The following SRGAP1 variants were observed in gnomAD, a reference collection of about 807,000 sequenced individuals.
The protein encoded by SRGAP1 is SLIT-ROBO Rho GTPase activating protein 1.
In SRGAP1, 43 loss-of-function variants were observed where a neutral mutation model predicts 121.9. That is an observed-to-expected ratio of 0.35 (90% confidence interval 0.28 to 0.46). The LOEUF is 0.46. Ranked by LOEUF, SRGAP1 falls within the 20% of genes least tolerant of loss-of-function variation. The pLI, the probability that SRGAP1 is intolerant of heterozygous loss-of-function variation, is 1.00. For synonymous variants in SRGAP1, 447 were observed against 485.4 expected (o/e 0.92, Z 1.04); for missense variants, 1,102 against 1,350.9 (o/e 0.82, Z 2.89).
At chr12:63,861,192 T>C (rs1592891093) in intron 1 of SRGAP1, among the ~76,000 whole-genome samples, 1 of 143,352 alleles carries the variant, frequency 7.0e-6, no homozygotes, top group Non-Finnish European at 1.5e-5. Flanking sequence ...TTTTTTTTTT[T>C]AATAGAGACA....
Position 63,844,731 on chromosome 12 carries a change from A to C in SRGAP1, c.-86A>C. 1.5e-6 allele frequency: 2 copies of C among 1,316,640 alleles called. No individual in the cohort carries two copies. The highest frequency in any genetic ancestry group is 2.2e-6 in the Non-Finnish European group (2 of 908,556). The allele number at this position is 1,316,640 out of a possible 1,614,324, so 81.6% of individuals were successfully genotyped here. On this transcript the variant is annotated 5_prime_UTR_variant, in exon 1 of 22. Transcript: ENST00000355086. This position sits in a 1 kb window ranked among gnomAD's most constrained non-coding sequence, Gnocchi z 4.3. ...TGCCTCTGGATTGCCTGCGTGTGGG[A>C]GTACAACTCTGCCTCTCCAAGGAGA...
chr12:63,940,846 C>A (rs1427435748), intron 1 of SRGAP1, among the ~76,000 whole-genome samples: 1 of 152,212 alleles, frequency 6.6e-6, no homozygotes, highest in Non-Finnish European at 1.5e-5. Context: ...GTGGCATCTC[C>A]TATGAATTAT....
At chr12:63,905,718 C>G (rs1390771171) in intron 1 of SRGAP1, among the ~76,000 whole-genome samples, 2 of 152,186 alleles carry the variant, frequency 1.3e-5, no homozygotes, top group Non-Finnish European at 2.9e-5. Flanking sequence ...CCACAGTAGC[C>G]TGGGGCCATT....
intron 1 of SRGAP1, among the ~76,000 whole-genome samples, chr12:63,932,401 T>C (rs762468137): frequency 4.6e-5 from 7 of 152,200 alleles, no homozygotes; most frequent in Admixed American, 2.0e-4. Flanking sequence ...AAACTTACTT[T>C]AGATTTGCAA....
intron 1 of SRGAP1, among the ~76,000 whole-genome samples, chr12:63,919,098 G>C (rs2030922285): frequency 6.6e-6 from 1 of 152,120 alleles, no homozygotes; most frequent in South Asian, 2.1e-4. Flanking sequence ...TGTGGTGCAG[G>C]CTGGAGTGCA....
chr12:64,032,353 G>T, intron 4 of SRGAP1: 1 of 371,122 alleles, frequency 2.7e-6, no homozygotes. Flanking sequence ...ACCTGGCTGT[G>T]TCAATGGTAG....
chr12:63,968,723 A>T (rs899845378), intron 1 of SRGAP1, among the ~76,000 whole-genome samples: 3 of 152,224 alleles, frequency 2.0e-5, no homozygotes, highest in Admixed American at 6.5e-5. Context: ...AATCCTGGCC[A>T]GTCAACTCTG....
rs541767212 is a variant in SRGAP1 at position 63,982,210 on chromosome 12, CAAAACAAAAACA to C, written c.68-1720_68-1709del. 5.0e-5 allele frequency among the ~76,000 whole-genome samples: 7 copies of C among 139,708 alleles called. No homozygotes were observed. The South Asian group carries it at 6.8e-4, about 14-fold the overall frequency. 91.7% of individuals were successfully genotyped at this position (139,708 alleles called of 152,430 possible). On this transcript the variant is annotated intron_variant, in intron 1 of 21. Transcript: ENST00000355086. ...TGGGAGACAGAGCAAGACTCCGTCT[CAAAACAAAAACA>C]AAAACAAAAACAAAAAAAAGAAAGA...
intron 18 of SRGAP1, 64 bp downstream of exon 18, chr12:64,115,957 G>T: frequency 1.4e-6 from 2 of 1,452,124 alleles, no homozygotes; most frequent in Middle Eastern, 3.5e-4. Flanking sequence ...ACAATTGCTT[G>T]TATTAACATT....
intron 4 of SRGAP1, among the ~76,000 whole-genome samples, chr12:64,025,152 TAAA>T (rs11286618): frequency 3.7e-5 from 5 of 135,148 alleles, no homozygotes; most frequent in Non-Finnish European, 4.9e-5. Flanking sequence ...AACGTTTAAA[TAAA>T]AAAAAAAAAA....
chr12:64,082,199 T>C (rs905453994), intron 10 of SRGAP1, among the ~76,000 whole-genome samples: 1 of 151,994 alleles, frequency 6.6e-6, no homozygotes, highest in African/African-American at 2.4e-5. Flanking sequence ...GGGAATTCAT[T>C]CTTGGCACTG....
At chr12:64,005,039 T>C (rs971812769) in intron 3 of SRGAP1, among the ~76,000 whole-genome samples, 3 of 152,180 alleles carry the variant, frequency 2.0e-5, no homozygotes, top group African/African-American at 4.8e-5. Context: ...GCAGAAGAGA[T>C]ACCGAATATG....
intron 4 of SRGAP1, 67 bp from the exon 5 acceptor site, chr12:64,042,723 A>G: frequency 7.8e-7 from 1 of 1,287,588 alleles, no homozygotes; most frequent in Non-Finnish European, 1.1e-6. Context: ...CGTCGTATAA[A>G]TGGTTCCCAT....
intron 4 of SRGAP1, among the ~76,000 whole-genome samples, chr12:64,033,934 T>G (rs1174503963): frequency 6.6e-6 from 1 of 152,004 alleles, no homozygotes; most frequent in Non-Finnish European, 1.5e-5. Flanking sequence ...GCAGGAGAAT[T>G]GCTTGAACCC....
chr12:63,914,498 G>A (rs1177743105), intron 1 of SRGAP1, among the ~76,000 whole-genome samples: 2 of 152,146 alleles, frequency 1.3e-5, no homozygotes, highest in East Asian at 1.9e-4. Flanking sequence ...ATATTGTCAA[G>A]AATTATCTTT....
At chr12:64,047,795 C>A (rs562619190) in intron 6 of SRGAP1, among the ~76,000 whole-genome samples, 2 of 152,090 alleles carry the variant, frequency 1.3e-5, no homozygotes, top group African/African-American at 4.8e-5. Context: ...TTGTAAAAAA[C>A]CAGAAAATAC....
At chr12:64,025,057 A>G (rs2034623343) in intron 4 of SRGAP1, among the ~76,000 whole-genome samples, 1 of 152,076 alleles carries the variant, frequency 6.6e-6, no homozygotes, top group Non-Finnish European at 1.5e-5. Context: ...AGTAACTTTC[A>G]CAGGAGCGGT....
At chr12:63,869,655 G>A (rs1431509157) in intron 1 of SRGAP1, among the ~76,000 whole-genome samples, 2 of 152,222 alleles carry the variant, frequency 1.3e-5, no homozygotes, top group South Asian at 4.1e-4. Context: ...TAATTTGATT[G>A]TCTCCTTAAT....
At chr12:63,892,245 C>A (rs1231702418) in intron 1 of SRGAP1, among the ~76,000 whole-genome samples, 1 of 152,172 alleles carries the variant, frequency 6.6e-6, no homozygotes, top group Non-Finnish European at 1.5e-5. Context: ...GTTCTGTTTT[C>A]AGTTTTTCTG....
Sources: allele counts gnomAD v4.1 joint callset (sites outside exome capture counted in the v4.1 genomes callset), GRCh38; gene constraint gnomAD v4.1.1; non-coding constraint Gnocchi (gnomAD v3.1); transcripts MANE v1.5; gene names NCBI Gene and HGNC (gene_info 2026-07-23, HGNC 2026-07-21).